The following COL4A2 variants were observed in gnomAD, a reference collection of about 807,000 sequenced individuals.
The protein encoded by COL4A2 is collagen type IV alpha 2 chain.
Under a neutral mutation model 200.2 loss-of-function variants are expected in COL4A2, and 99 were observed. The observed-to-expected ratio is 0.49, with a 90% CI of 0.42 to 0.58. The LOEUF is 0.58. Ranked by LOEUF, COL4A2 falls within the 20% of genes least tolerant of loss-of-function variation. COL4A2 has a pLI of 0.00. For synonymous variants in COL4A2, 897 were observed against 900.6 expected, an observed-to-expected ratio of 1.00 and a Z score of 0.07; for missense variants, 1,950 against 2,314.1, an observed-to-expected ratio of 0.84 and a Z score of 3.23.
chr13:110,428,678 C>T, intron 7 of COL4A2, 95 bp downstream of exon 7: 2 of 631,386 alleles, frequency 3.2e-6, no homozygotes, highest in South Asian at 2.6e-5. Context: ...TCACTGTGGC[C>T]AGAACGGAAG....
intron 40 of COL4A2, among the ~76,000 whole-genome samples, chr13:110,498,069 C>T (rs1430132830): frequency 1.3e-5 from 2 of 152,256 alleles, no homozygotes; most frequent in Non-Finnish European, 2.9e-5. Context: ...GTTGACCATG[C>T]CCGTGACCTT....
At chr13:110,469,125 A>G in intron 27 of COL4A2, 92 bp from the exon 28 acceptor site, 3 of 1,417,654 alleles carry the variant, frequency 2.1e-6, no homozygotes, top group Non-Finnish European at 2.9e-6. Flanking sequence ...TCCCGGTTTC[A>G]TGAGATCCAC....
chr13:110,326,799 C>A (rs1049254160), intron 3 of COL4A2, among the ~76,000 whole-genome samples: 1 of 152,174 alleles, frequency 6.6e-6, no homozygotes, highest in South Asian at 2.1e-4. Context: ...GCCCTCTGCT[C>A]GGCCACCTGT....
At position 110,445,891 on chromosome 13, in the gene COL4A2, G is replaced by T; in HGVS notation, c.1011+9G>T. On this transcript the variant is annotated intron_variant, in intron 17 of 47. Transcript: ENST00000360467. ...GACCCCGGGGACCCAAGGTGAGCCCGTTTCTCATGTCTTTGCCACTTATGG... is the reference window on the plus strand; with the variant it reads ...GACCCCGGGGACCCAAGGTGAGCCCTTTTCTCATGTCTTTGCCACTTATGG... 6.2e-7 allele frequency: 1 copy of T among 1,614,130 alleles called. No homozygotes were observed. The highest frequency in any genetic ancestry group is 8.5e-7 in the Non-Finnish European group (1 of 1,179,990).
At chr13:110,440,739 G>A (rs781374719) in intron 16 of COL4A2, among the ~76,000 whole-genome samples, 1 of 152,186 alleles carries the variant, frequency 6.6e-6, no homozygotes, top group African/African-American at 2.4e-5. Context: ...GTGCCTGCGG[G>A]TCCCACCCCA....
At chr13:110,448,467 T>G (rs1305086090) in intron 18 of COL4A2, among the ~76,000 whole-genome samples, 1 of 152,218 alleles carries the variant, frequency 6.6e-6, no homozygotes, top group Admixed American at 6.5e-5. Flanking sequence ...TGAGCTGGAA[T>G]GTGACTGACT....
intron 4 of COL4A2, among the ~76,000 whole-genome samples, chr13:110,384,945 T>C (rs1878625236): frequency 6.6e-6 from 1 of 152,156 alleles, no homozygotes; most frequent in African/African-American, 2.4e-5. Flanking sequence ...AGAAGTGATA[T>C]TCACAACTGA....
In COL4A2 at chr13:110,488,183, G is replaced by A. The variant is rs565955114; in HGVS notation, c.3208-1262G>A. Among the ~76,000 whole-genome samples, 175 of 152,134 alleles carry A rather than the reference G, an allele frequency of 1.2e-3. 1 individual carries two copies. The highest frequency in any genetic ancestry group is 3.7e-3 in the African/African-American group (154 of 41,498). On this transcript the variant is annotated intron_variant, in intron 34 of 47. Transcript: ENST00000360467. ...TGGGATTACAGGCGCACGCCACCAC[G>A]CCCAGCTAATTTTGTATTTTTAGTA...
chr13:110,493,819 TG>T (rs34497985), intron 39 of COL4A2, among the ~76,000 whole-genome samples: 40 of 151,454 alleles, frequency 2.6e-4, no homozygotes, highest in Admixed American at 2.4e-3. Flanking sequence ...GGTCGGGTTC[TG>T]GGGGGGGCCG....
chr13:110,339,491 G>A (rs755939089), intron 3 of COL4A2, among the ~76,000 whole-genome samples: 6 of 152,228 alleles, frequency 3.9e-5, no homozygotes, highest in Non-Finnish European at 7.4e-5. Context: ...TACTGCCTCC[G>A]ACCCAATTGT....
chr13:110,462,494 A>C, intron 24 of COL4A2, 110 bp downstream of exon 24: 3 of 988,420 alleles, frequency 3.0e-6, no homozygotes, highest in African/African-American at 1.6e-5. Context: ...CAACCTGTGC[A>C]TAGGACAGGC....
At position 110,512,155 on chromosome 13, in the gene COL4A2, C is replaced by A. The variant is rs772344537; in HGVS notation, c.5103C>A (p.His1701Gln). The A allele has an allele frequency of 6.2e-7, 1 of 1,613,244 alleles. No homozygotes were observed. Among genetic ancestry groups the A allele is most frequent in the Non-Finnish European group, 8.5e-7 (1 of 1,179,946 alleles). ...DTLKAGLIRT[H>Q]ISRCQVCMKN... ...TCAAGGCCGGCCTCATCCGCACACA[C>A]ATCAGCCGCTGCCAGGTGTGCATGA... is the stretch of plus-strand genomic sequence containing the variant. Residue 1701 changes from histidine to glutamine, a missense_variant, in exon 48 of 48, where the codon CAC becomes CAA. Physicochemically the swap from His to Gln is conservative, Grantham distance 24. Transcript: ENST00000360467.
intron 3 of COL4A2, among the ~76,000 whole-genome samples, chr13:110,339,199 A>G (rs563641642): frequency 1.5e-4 from 23 of 152,374 alleles, no homozygotes; most frequent in Non-Finnish European, 2.8e-4. Flanking sequence ...TAAATGGGCC[A>G]AACAGTTGGA....
chr13:110,455,671 G>A (rs1036496146), intron 20 of COL4A2, among the ~76,000 whole-genome samples: 11 of 152,178 alleles, frequency 7.2e-5, no homozygotes, highest in African/African-American at 1.9e-4. Flanking sequence ...TTTGATGAGC[G>A]AATGAATGAA....
chr13:110,343,944 A>G (rs1876584762), intron 3 of COL4A2, among the ~76,000 whole-genome samples: 1 of 152,160 alleles, frequency 6.6e-6, no homozygotes, highest in Non-Finnish European at 1.5e-5. Context: ...TTTACCTTAG[A>G]CCTATATGCC....
At chr13:110,491,398 A>C in intron 37 of COL4A2, 58 bp downstream of exon 37, 1 of 1,164,494 alleles carries the variant, frequency 8.6e-7, no homozygotes, top group Non-Finnish European at 1.3e-6. Context: ...AGACCCCAGA[A>C]CAAAGGCGGT....
rs781175908 is a variant in COL4A2 at position 110,450,336 on chromosome 13, A to T, written c.1221A>T (p.Gly407=). The change falls in exon 20 of 48, where the codon GGA becomes GGT. Residue 407 remains glycine (G), a synonymous_variant. Transcript: ENST00000360467. ...DQRRGLPGEM[G]PKGFIGDPGI... ...GGAGAGGCCTGCCGGGTGAGATGGGACCCAAGGGCTTCATCGGAGACCCCG... is the reference window on the plus strand; with the variant it reads ...GGAGAGGCCTGCCGGGTGAGATGGGTCCCAAGGGCTTCATCGGAGACCCCG... 2.5e-6 allele frequency: 4 copies of T among 1,613,720 alleles called. No individual in the cohort carries two copies. Among genetic ancestry groups the T allele is most frequent in the Non-Finnish European group, 3.4e-6 (4 of 1,179,776 alleles).
intron 4 of COL4A2, among the ~76,000 whole-genome samples, chr13:110,382,603 A>G (rs967305667): frequency 1.3e-5 from 2 of 152,248 alleles, no homozygotes; most frequent in African/African-American, 4.8e-5. Context: ...AGTAAATAAA[A>G]TTGAAGAATC....
At chr13:110,308,503 G>T (rs139745216) in intron 3 of COL4A2, among the ~76,000 whole-genome samples, 1,580 of 152,268 alleles carry the variant, frequency 0.01, 30 homozygotes, top group African/African-American at 0.035. Context: ...CCTGGAACTC[G>T]GGAGCTGGTG....
Sources: gnomAD v4.1 joint callset for allele counts (sites outside exome capture counted in the v4.1 genomes callset) on GRCh38, gnomAD v4.1.1 for gene constraint, MANE v1.5 for transcripts, NCBI Gene and HGNC (gene_info 2026-07-23, HGNC 2026-07-21) for gene names.